Variants in GNAL observed in about 807,000 individuals in gnomAD.
GNAL encodes G protein subunit alpha L, also known as guanine nucleotide-binding protein G(olf) subunit alpha.
In GNAL, 18 loss-of-function variants were observed where a neutral mutation model predicts 55.1. The observed-to-expected ratio is 0.33, with a 90% CI of 0.23 to 0.48. GNAL has a LOEUF of 0.48. Among genes scored for constraint, GNAL ranks in the 20% least tolerant of loss-of-function variants. The pLI, the probability that GNAL is intolerant of heterozygous loss-of-function variation, is 0.99. For synonymous variants in GNAL, 253 were observed against 237.0 expected (o/e 1.07, Z -0.62); for missense variants, 412 against 614.1 (o/e 0.67, Z 3.48).
rs542821968 is a variant in GNAL, at chr18:11,794,330, A to G, written c.625-30588A>G. 3.3e-5 allele frequency among the ~76,000 whole-genome samples: 5 copies of G among 152,360 alleles called. No homozygotes were observed. In the East Asian group the frequency reaches 5.8e-4, roughly 18 times the overall value. On this transcript the variant is annotated intron_variant, in intron 4 of 11. Coordinates refer to ENST00000334049, the MANE Select transcript of GNAL (RefSeq NM_182978.4). Reference sequence around the variant, plus strand: ...ATAGCCAAAGGGTGGAAACAACCCAATGTTCATCAACAGATGAATGGATAA... The same window carrying G: ...ATAGCCAAAGGGTGGAAACAACCCAGTGTTCATCAACAGATGAATGGATAA...
chr18:11,801,437 T>C (rs2034519747), intron 4 of GNAL, among the ~76,000 whole-genome samples: 1 of 152,102 alleles, frequency 6.6e-6, no homozygotes, highest in Non-Finnish European at 1.5e-5. Flanking sequence ...TCTGCAGTCC[T>C]AGCAACTAGG....
chr18:11,716,716 A>G (rs1019444184), intron 1 of GNAL, among the ~76,000 whole-genome samples: 1 of 152,142 alleles, frequency 6.6e-6, no homozygotes, highest in Admixed American at 6.5e-5. Context: ...CTAGATACAG[A>G]GTGTCGATTG....
chr18:11,738,919 A>G (rs1489096895), intron 1 of GNAL, among the ~76,000 whole-genome samples: 1 of 152,090 alleles, frequency 6.6e-6, no homozygotes. Context: ...TACCCACAGA[A>G]CCTCAGTGCT....
intron 5 of GNAL, among the ~76,000 whole-genome samples, chr18:11,858,149 G>T (rs2036052307): frequency 6.6e-6 from 1 of 152,018 alleles, no homozygotes; most frequent in Admixed American, 6.6e-5. Context: ...CAACAGATGG[G>T]ATATAAACAG....
intron 1 of GNAL, among the ~76,000 whole-genome samples, chr18:11,729,318 C>CT (rs2143434694): frequency 6.6e-6 from 1 of 152,240 alleles, no homozygotes; most frequent in South Asian, 2.1e-4. Flanking sequence ...GGTTTTCACT[C>CT]TTTTGCCCAC....
chr18:11,739,795 G>T (rs2032537462), intron 1 of GNAL, among the ~76,000 whole-genome samples: 1 of 151,888 alleles, frequency 6.6e-6, no homozygotes, highest in South Asian at 2.1e-4. Context: ...ACACTGGTGG[G>T]GTCAATTGTG....
At chr18:11,715,387 G>A (rs1286412112) in intron 1 of GNAL, among the ~76,000 whole-genome samples, 27 of 151,076 alleles carry the variant, frequency 1.8e-4, no homozygotes, top group South Asian at 2.1e-4. Context: ...CATGAACCCG[G>A]GAGGCAGAGC....
rs142329556 is a variant in GNAL, at chr18:11,880,331, G to A, written c.1231-658G>A. ...TGCCTATAATCCCAGCACTTTGGGA[G>A]GCCGAGGTGGGCGGATCACTTGAGG... On this transcript the variant is annotated intron_variant, in intron 11 of 11. Transcript: ENST00000334049. Among the ~76,000 whole-genome samples the A allele has an allele frequency of 4.4e-3, 665 of 151,246 alleles. 1 individual carries two copies. The highest frequency in any genetic ancestry group is 6.8e-3 in the Non-Finnish European group (464 of 67,956).
chr18:11,747,343 G>A (rs2032710329), intron 1 of GNAL: 1 of 184,018 alleles, frequency 5.4e-6, no homozygotes, highest in Admixed American at 5.8e-5. Flanking sequence ...GGTTTAAGGT[G>A]TTACAGGAAT....
At position 11,851,590 on chromosome 18, in the gene GNAL, A is replaced by G. The variant is rs1216651201; in HGVS notation, c.723-10805A>G. The G allele has an allele frequency of 2.8e-5, 45 of 1,613,196 alleles. No individual in the cohort carries two copies. The East Asian group carries it at 9.6e-4, about 34-fold the overall frequency. ...GAGTAGGAGTGCCAAAAAATGCGAT[A>G]AGGAGGAAAAGGCCGAAAAGGCCAA... On this transcript the variant is annotated intron_variant, in intron 5 of 11. Transcript: ENST00000334049.
chr18:11,753,847 A>G lies in GNAL; in HGVS notation c.526A>G (p.Thr176Ala), dbSNP rs2032945452. 6.2e-7 allele frequency: 1 copy of G among 1,608,774 alleles called. No individual in the cohort carries two copies. The highest frequency in any genetic ancestry group is 1.3e-5 in the African/African-American group (1 of 74,940). The change falls in exon 4 of 12, where the codon ACT becomes GCT. Residue 176 changes from threonine to alanine, a missense_variant. By Grantham distance (58) the Thr-to-Ala change is moderately conservative (BLOSUM62 0). Around this residue, in one of 5 missense-constraint regions of GNAL, gnomAD observed 47 missense variants for 82.7 expected, o/e 0.57. Coordinates refer to ENST00000334049, the MANE Select transcript of GNAL (RefSeq NM_182978.4). ...AIVTIVSAMS[T>A]IIPPVPLANP... ...TTAGACAATTGTTTCAGCAATGAGT[A>G]CTATAATACCTCCAGTTCCGCTGGC... is the stretch of plus-strand genomic sequence containing the variant.
At position 11,690,793 on chromosome 18, in the gene GNAL, G is replaced by C. The variant is rs1220818453; in HGVS notation, c.376+854G>C. On this transcript the variant is annotated intron_variant, in intron 1 of 11. Coordinates refer to ENST00000334049, the MANE Select transcript of GNAL (RefSeq NM_182978.4). ...GTCCCTACAAAGGACATGAACTCAT[G>C]ATTTTTTATGGCTGCATAGTATTCC... Among the ~76,000 whole-genome samples, 20 of 151,810 alleles carry C rather than the reference G, an allele frequency of 1.3e-4. No homozygotes were observed. In the East Asian group the frequency reaches 2.1e-3, roughly 16 times the overall value.
At chr18:11,821,584 G>A (rs2035090560) in intron 4 of GNAL, among the ~76,000 whole-genome samples, 5 of 152,256 alleles carry the variant, frequency 3.3e-5, no homozygotes, top group Admixed American at 3.3e-4. Flanking sequence ...GGAAATTAAC[G>A]CAAAATGAGA....
chr18:11,851,440 G>C (rs2035862215), intron 5 of GNAL: 3 of 1,450,870 alleles, frequency 2.1e-6, no homozygotes, highest in Admixed American at 5.7e-5. Context: ...GGCCGGGAGC[G>C]GACTTACCTT....
chr18:11,851,413 C>A, intron 5 of GNAL: 1 of 1,388,748 alleles, frequency 7.2e-7, no homozygotes, highest in Non-Finnish European at 9.5e-7. Context: ...GAAGTGGGAC[C>A]AAAACAAAGG....
chr18:11,779,306 T>G (rs1416892447), intron 4 of GNAL, among the ~76,000 whole-genome samples: 1 of 152,200 alleles, frequency 6.6e-6, no homozygotes, highest in Non-Finnish European at 1.5e-5. Flanking sequence ...ATTAGATTTC[T>G]TCCCACCAGT....
intron 4 of GNAL, among the ~76,000 whole-genome samples, chr18:11,761,002 A>G (rs1009353721): frequency 1.6e-4 from 25 of 152,196 alleles, no homozygotes; most frequent in Admixed American, 1.6e-3. Flanking sequence ...GTACAGCTTT[A>G]AAATGAGCAA....
chr18:11,759,511 A>G (rs563812138), intron 4 of GNAL, among the ~76,000 whole-genome samples: 22 of 152,294 alleles, frequency 1.4e-4, no homozygotes, highest in African/African-American at 5.1e-4. Context: ...GGTGAGAGCT[A>G]CTCTGTCACT....
intron 5 of GNAL, chr18:11,851,884 C>G: frequency 6.2e-7 from 1 of 1,613,986 alleles, no homozygotes; most frequent in South Asian, 1.1e-5. Flanking sequence ...GTTTGAGACT[C>G]TGGACGTCCA....
Sources: gnomAD v4.1 joint callset for allele counts (sites outside exome capture counted in the v4.1 genomes callset) on GRCh38, gnomAD v4.1.1 for gene constraint, gnomAD v4.1.1 regional missense constraint, MANE v1.5 for transcripts, NCBI Gene and HGNC (gene_info 2026-07-23, HGNC 2026-07-21) for gene names.